IDO2: variants seen among roughly 807,000 people sequenced by gnomAD.
IDO2 encodes the protein indoleamine 2,3-dioxygenase 2, also known as indoleamine 2,3-dioxygenase-like 1 protein.
In IDO2, 46 loss-of-function variants were observed where a neutral mutation model predicts 45.1. The observed-to-expected ratio is 1.02, with a 90% CI of 0.80 to 1.30. IDO2 has a LOEUF of 1.30. Among genes scored for constraint, IDO2 ranks in the 50% most tolerant of loss-of-function variants. The pLI is 0.00. For missense variants in IDO2, 544 were observed against 491.8 expected, an observed-to-expected ratio of 1.11 and a Z score of -1.00; for synonymous variants, 218 against 184.9, an observed-to-expected ratio of 1.18 and a Z score of -1.45.
intron 8 of IDO2, chr8:39,998,089 T>A (rs557802579): frequency 4.5e-6 from 1 of 223,910 alleles, no homozygotes; most frequent in South Asian, 7.9e-5. Flanking sequence ...ATTTCAGAGG[T>A]TCCATATAAC....
intron 3 of IDO2, among the ~76,000 whole-genome samples, chr8:39,975,461 T>TA (rs1277711634): frequency 1.3e-5 from 2 of 151,952 alleles, no homozygotes; most frequent in African/African-American, 4.8e-5. Flanking sequence ...AACAACCAAA[T>TA]AAAAAACAAT....
Position 39,985,539 on chromosome 8 carries a change from C to G in IDO2, c.449+17C>G. 6.4e-7 allele frequency: 1 copy of G among 1,557,830 alleles called. No homozygotes were observed. Among genetic ancestry groups the G allele is most frequent in the Non-Finnish European group, 8.7e-7 (1 of 1,149,124 alleles). ...GGAAATTGGGTAAGTTCTCAGAAATCATTTACGCACTTTAGAATCCAGGCC... is the reference window on the plus strand; with the variant it reads ...GGAAATTGGGTAAGTTCTCAGAAATGATTTACGCACTTTAGAATCCAGGCC... On this transcript the variant is annotated intron_variant, in intron 6 of 10. Coordinates refer to ENST00000502986, the Ensembl canonical transcript of IDO2.
intron 9 of IDO2, among the ~76,000 whole-genome samples, chr8:40,009,722 T>C (rs1802282085): frequency 6.6e-6 from 1 of 152,162 alleles, no homozygotes; most frequent in African/African-American, 2.4e-5. Context: ...TTTTTGGACT[T>C]GTATGCTGGT....
intron 8 of IDO2, among the ~76,000 whole-genome samples, chr8:39,995,806 A>C (rs11778804): frequency 0.46 from 69,402 of 151,504 alleles, 16,513 homozygotes; most frequent in South Asian, 0.53. Context: ...ACAGGGTGAG[A>C]AGTGACCAGA....
In IDO2 at chr8:39,987,898, T is replaced by A. The variant is rs755499445; in HGVS notation, c.477T>A (p.Pro159=). The change falls in exon 7 of 11, where the codon CCT becomes CCA. Residue 159 remains proline (P), a synonymous_variant. Coordinates refer to ENST00000502986, the Ensembl canonical transcript of IDO2. ...ACCTGGAGACCATCATCTCATTTCC[T>A]GGGGGAGAGAGCCTGCATGGTTTTA... 3 of 1,610,894 alleles carry A rather than the reference T, an allele frequency of 1.9e-6. No individual in the cohort carries two copies. The South Asian group carries it at 3.3e-5, about 18-fold the overall frequency.
At chr8:39,987,783 GTT>G (rs1273899514) in intron 6 of IDO2, 86 bp from the exon 7 acceptor site, 1 of 747,444 alleles carries the variant, frequency 1.3e-6, no homozygotes, top group African/African-American at 1.8e-5. Flanking sequence ...CCACCCTGCA[GTT>G]ATCTAACTCG....
At chr8:39,947,873 C>T (rs576474974) in intron 1 of IDO2, among the ~76,000 whole-genome samples, 20 of 151,682 alleles carry the variant, frequency 1.3e-4, no homozygotes, top group African/African-American at 4.1e-4. Context: ...CTGCAACCTC[C>T]ACCTCCCAGG....
chr8:39,974,922 C>T (rs914528233), intron 3 of IDO2, among the ~76,000 whole-genome samples: 1 of 150,020 alleles, frequency 6.7e-6, no homozygotes, highest in Non-Finnish European at 1.5e-5. Context: ...AGCGAGACTC[C>T]GTCTAAAAAC....
chr8:39,979,414 G>T (rs1808309378), intron 4 of IDO2, among the ~76,000 whole-genome samples: 1 of 152,126 alleles, frequency 6.6e-6, no homozygotes, highest in African/African-American at 2.4e-5. Flanking sequence ...GAGGGCAGTG[G>T]GGTGATCTTG....
chr8:39,950,669 T>C (rs1393300761), intron 2 of IDO2, among the ~76,000 whole-genome samples: 4 of 152,248 alleles, frequency 2.6e-5, no homozygotes, highest in Admixed American at 2.0e-4. Context: ...ACCCTACTGC[T>C]GTGTCCAGCT....
At chr8:39,986,863 C>CCCATTATTATTATTATTA (rs1808432745) in intron 6 of IDO2, 1 of 47,044 alleles carries the variant, frequency 2.1e-5, no homozygotes, top group Non-Finnish European at 4.1e-5. Flanking sequence ...CTCACAATAT[C>CCCATTATTATTATTATTA]TCATTATTAT....
chr8:39,947,998 G>A (rs1358626795), intron 1 of IDO2, among the ~76,000 whole-genome samples: 1 of 152,044 alleles, frequency 6.6e-6, no homozygotes, highest in African/African-American at 2.4e-5. Flanking sequence ...TGATGAGGCT[G>A]GTCTCAAACT....
At chr8:39,965,769 T>C (rs1808075791) in intron 3 of IDO2, among the ~76,000 whole-genome samples, 1 of 151,924 alleles carries the variant, frequency 6.6e-6, no homozygotes, top group Non-Finnish European at 1.5e-5. Flanking sequence ...AATGATGCAT[T>C]GACAAGCCAA....
At chr8:39,943,670 G>A (rs1365329547) in intron 1 of IDO2, among the ~76,000 whole-genome samples, 2 of 150,654 alleles carry the variant, frequency 1.3e-5, no homozygotes, top group South Asian at 2.1e-4. Flanking sequence ...CCCGGGGGGC[G>A]GAGCCTGCAG....
rs922323454 is a variant in IDO2 at position 40,009,772 on chromosome 8, G to A, written c.720-3793G>A. 2.6e-5 allele frequency among the ~76,000 whole-genome samples: 4 copies of A among 152,170 alleles called. No individual in the cohort carries two copies. In the East Asian group the frequency reaches 7.7e-4, roughly 29 times the overall value. ...CTTCACTGTGGAAATCCTCTTGAGG[G>A]TGAGGCACTGAAAGCAGATTGATTA... On this transcript the variant is annotated intron_variant, in intron 9 of 10. Transcript: ENST00000502986.
intron 5 of IDO2, among the ~76,000 whole-genome samples, chr8:39,983,489 C>T (rs1021436068): frequency 1.3e-5 from 2 of 152,190 alleles, no homozygotes; most frequent in African/African-American, 4.8e-5. Context: ...ACTTCCTCAG[C>T]CATGGGATTG....
chr8:39,955,680 A>G (rs1034599543), intron 2 of IDO2, among the ~76,000 whole-genome samples: 1 of 152,168 alleles, frequency 6.6e-6, no homozygotes, highest in Non-Finnish European at 1.5e-5. Context: ...GGAAGAAAAC[A>G]AAGAAATAAA....
At chr8:40,015,159 A>G in intron 10 of IDO2, 88 bp from the exon 11 acceptor site, 1 of 645,546 alleles carries the variant, frequency 1.5e-6, no homozygotes, top group Non-Finnish European at 2.3e-6. Context: ...CATCTAGAGA[A>G]AAAAAAAATA....
intron 4 of IDO2, among the ~76,000 whole-genome samples, chr8:39,980,812 T>A (rs541817104): frequency 4.3e-4 from 65 of 151,892 alleles, no homozygotes; most frequent in African/African-American, 1.5e-3. Flanking sequence ...TGCAGTGGCG[T>A]GATCTCGGCT....
Sources: gnomAD v4.1 joint callset for allele counts (sites outside exome capture counted in the v4.1 genomes callset) on GRCh38, gnomAD v4.1.1 for gene constraint, MANE v1.5 for transcripts, NCBI Gene and HGNC (gene_info 2026-07-23, HGNC 2026-07-21) for gene names.